CDH3: variants seen among roughly 807,000 people sequenced by gnomAD.
CDH3 encodes the protein cadherin-3.
Under a neutral mutation model 82.0 loss-of-function variants are expected in CDH3, and 54 were observed. The ratio of observed to expected loss-of-function variants is 0.66; its 90% confidence interval spans 0.53 to 0.83. The LOEUF is 0.83. Among genes scored for constraint, CDH3 ranks in the 40% least tolerant of loss-of-function variants. The pLI is 0.00. For missense variants in CDH3, 1,054 were observed against 1,084.6 expected (o/e 0.97, Z 0.40); for synonymous variants, 446 against 437.9 (o/e 1.02, Z -0.23).
At chr16:68,656,257 G>T (rs1403294355) in intron 2 of CDH3, among the ~76,000 whole-genome samples, 1 of 152,104 alleles carries the variant, frequency 6.6e-6, no homozygotes, top group African/African-American at 2.4e-5. Context: ...TGGAGGCCAG[G>T]GTCTCTGAAG....
chr16:68,702,594 G>T (rs1331970103), downstream of CDH3, among the ~76,000 whole-genome samples: 1 of 152,140 alleles, frequency 6.6e-6, no homozygotes, highest in Non-Finnish European at 1.5e-5. Flanking sequence ...TTGGCCAGGT[G>T]TGGCTCACAC....
chr16:68,654,444 T>A (rs1960351602), intron 2 of CDH3, among the ~76,000 whole-genome samples: 1 of 123,258 alleles, frequency 8.1e-6, no homozygotes, highest in Non-Finnish European at 1.6e-5. Context: ...GGCTCACGCC[T>A]GTAATCCCAG....
At position 68,684,823 on chromosome 16, in the gene CDH3, A is replaced by T; in HGVS notation, c.1423A>T (p.Ser475Cys). Reference protein sequence around the residue: ...EDPDKENQKISYRILRDPAGW... With the variant: ...EDPDKENQKICYRILRDPAGW... Reference sequence around the variant, plus strand: ...CCCTGACAAGGAGAATCAAAAGATCAGGTACTCAGGAGCTGGGCTCAGTAA... The same window carrying T: ...CCCTGACAAGGAGAATCAAAAGATCTGGTACTCAGGAGCTGGGCTCAGTAA... Residue 475 changes from serine (S) to cysteine (C), a missense_variant and splice_region_variant, in exon 10 of 16, where the codon AGC becomes TGC. Transcript: ENST00000264012. 1 of 1,614,154 alleles carries T rather than the reference A, an allele frequency of 6.2e-7. No individual in the cohort carries two copies. Among genetic ancestry groups the T allele is most frequent in the South Asian group, 1.1e-5 (1 of 91,054 alleles).
chr16:68,679,603 G>A (rs1323792010), intron 6 of CDH3, among the ~76,000 whole-genome samples, 196 bp from the exon 7 acceptor site: 1 of 143,284 alleles, frequency 7.0e-6, no homozygotes, highest in African/African-American at 2.6e-5. Context: ...GCTGAGGCAG[G>A]AGAATCACTT....
rs1435472770 is a variant in CDH3, at chr16:68,707,691, G to A, written c.99+11768G>A. On this transcript the variant is annotated intron_variant, in intron 1 of 2. Transcript: ENST00000569080. The surrounding 1 kb of genome is among the most constrained non-coding windows in gnomAD (Gnocchi z 4.5). ...GGTGGAAAAGCACTCAGTGTTTAGC[G>A]CTGAGCCTGCAGTGCAGTTGGGGAT... Among the ~76,000 whole-genome samples the A allele has an allele frequency of 6.6e-5, 10 of 152,176 alleles. No individual in the cohort carries two copies. Among genetic ancestry groups the A allele is most frequent in the South Asian group, 2.1e-4 (1 of 4,834 alleles).
rs181338881 is a variant in CDH3, at chr16:68,686,250, G to A, written c.1570+900G>A. 63 of 607,214 alleles carry A rather than the reference G, an allele frequency of 1.0e-4. 1 individual carries two copies. The East Asian group carries it at 1.5e-3, about 15-fold the overall frequency. 37.6% of individuals were successfully genotyped at this position (607,214 alleles called of 1,614,324 possible). On this transcript the variant is annotated intron_variant, in intron 11 of 15. Coordinates refer to ENST00000264012, the MANE Select transcript of CDH3 (RefSeq NM_001793.6). ...GGCGAATTGCAGCACGCCTCGGGGCGAGCGGCAAGGGCTGGGGTGAGTGCA... is the reference window on the plus strand; with the variant it reads ...GGCGAATTGCAGCACGCCTCGGGGCAAGCGGCAAGGGCTGGGGTGAGTGCA...
At chr16:68,715,818 C>A (rs1962089154) in intron 1 of CDH3, among the ~76,000 whole-genome samples, 1 of 152,208 alleles carries the variant, frequency 6.6e-6, no homozygotes, top group Non-Finnish European at 1.5e-5. Flanking sequence ...GACCACCCCT[C>A]TCCTTGCTGG....
chr16:68,685,407 G>A, intron 11 of CDH3, 57 bp downstream of exon 11: 1 of 1,567,850 alleles, frequency 6.4e-7, no homozygotes, highest in African/African-American at 1.3e-5. Flanking sequence ...CAGGTCACAT[G>A]ACACAGCACA....
rs757633932 is a variant in CDH3, at chr16:68,678,186, G to C, written c.299G>C (p.Arg100Pro). 17 of 1,613,688 alleles carry C rather than the reference G, an allele frequency of 1.1e-5. No homozygotes were observed. Among genetic ancestry groups the C allele is most frequent in the African/African-American group, 1.3e-5 (1 of 75,042 alleles). The change falls in exon 4 of 16, where the codon CGT (arginine) becomes CCT (proline). Residue 100 changes from arginine to proline, a missense_variant. By Grantham distance (103) the Arg-to-Pro change is moderately radical. Transcript: ENST00000264012. ...CCATTGAAGATCTTCCCATCCAAAC[G>C]TATCTTACGAAGACACAAGAGAGAT... is the stretch of plus-strand genomic sequence containing the variant. ...RNPLKIFPSK[R>P]ILRRHKRDWV...
At chr16:68,713,195 T>C (rs1384788181) in intron 1 of CDH3, among the ~76,000 whole-genome samples, 1 of 152,180 alleles carries the variant, frequency 6.6e-6, no homozygotes, top group African/African-American at 2.4e-5. Context: ...ATACATTGTT[T>C]CCGTCAAGGA....
At chr16:68,688,708 C>A (rs1194321132) in intron 12 of CDH3, among the ~76,000 whole-genome samples, 1 of 152,126 alleles carries the variant, frequency 6.6e-6, no homozygotes, top group Non-Finnish European at 1.5e-5. Context: ...CTCACTGCAA[C>A]CTCCGCTTCC....
intron 14 of CDH3, 152 bp from the exon 15 acceptor site, chr16:68,695,625 G>A (rs1335666043): frequency 9.9e-7 from 1 of 1,010,296 alleles, no homozygotes; most frequent in African/African-American, 1.6e-5. Flanking sequence ...ATGGAAACGA[G>A]GGTTTTCCAA....
At chr16:68,719,240 G>A (rs1180496881) in intron 1 of CDH3, among the ~76,000 whole-genome samples, 8 of 119,908 alleles carry the variant, frequency 6.7e-5, no homozygotes, top group East Asian at 2.4e-4. Context: ...GTGAGACTCC[G>A]TCTCAAAAAA....
chr16:68,686,040 G>A (rs1252937924), intron 11 of CDH3, among the ~76,000 whole-genome samples: 1 of 151,986 alleles, frequency 6.6e-6, no homozygotes, highest in South Asian at 2.1e-4. Flanking sequence ...TTAGGGCCGG[G>A]CATGGTGACT....
At chr16:68,685,394 T>C in intron 11 of CDH3, 44 bp downstream of exon 11, 1 of 1,605,264 alleles carries the variant, frequency 6.2e-7, no homozygotes, top group Non-Finnish European at 8.5e-7. Flanking sequence ...CACTTTTGGT[T>C]CTCAGGTCAC....
chr16:68,647,866 A>G (rs1960122394), intron 2 of CDH3, among the ~76,000 whole-genome samples: 2 of 152,094 alleles, frequency 1.3e-5, no homozygotes, highest in Admixed American at 1.3e-4. Flanking sequence ...ATAGACTCTC[A>G]AGTTTAGCCA....
At chr16:68,648,198 T>A (rs577372453) in intron 2 of CDH3, among the ~76,000 whole-genome samples, 1 of 152,298 alleles carries the variant, frequency 6.6e-6, no homozygotes, top group African/African-American at 2.4e-5. Context: ...CTTAACGGAT[T>A]GGATTCACTA....
At chr16:68,718,796 A>C (rs1962124130) in intron 1 of CDH3, among the ~76,000 whole-genome samples, 1 of 152,352 alleles carries the variant, frequency 6.6e-6, no homozygotes, top group South Asian at 2.1e-4. Flanking sequence ...AGAAGAATGA[A>C]AACATATGTC....
At chr16:68,660,674 A>G (rs968030478) in intron 2 of CDH3, among the ~76,000 whole-genome samples, 1 of 152,148 alleles carries the variant, frequency 6.6e-6, no homozygotes, top group African/African-American at 2.4e-5. Context: ...AAAACCACAA[A>G]TAGGCTGGGC....
Sources: gnomAD v4.1 joint callset for allele counts (sites outside exome capture counted in the v4.1 genomes callset) on GRCh38, gnomAD v4.1.1 for gene constraint, Gnocchi (gnomAD v3.1) non-coding constraint, MANE v1.5 for transcripts, NCBI Gene and HGNC (gene_info 2026-07-23, HGNC 2026-07-21) for gene names.